The following GLIS3 variants were observed in gnomAD, a reference collection of about 807,000 sequenced individuals.
GLIS3 encodes the protein GLIS family zinc finger 3, also known as zinc finger protein GLIS3.
Under a neutral mutation model 78.6 loss-of-function variants are expected in GLIS3, and 53 were observed. The ratio of observed to expected loss-of-function variants is 0.67; its 90% CI spans 0.54 to 0.85. The LOEUF (loss-of-function observed/expected upper bound fraction) is 0.85, where lower values mean the gene tolerates loss of function less well. Among genes scored for constraint, GLIS3 ranks in the 40% least tolerant of loss-of-function variants. GLIS3 has a pLI of 0.00. For missense variants in GLIS3, 1,703 were observed against 1,231.1 expected (o/e 1.38, Z -5.74); for synonymous variants, 684 against 509.9 (o/e 1.34, Z -4.60).
chr9:4,438,516 C>G, the GLIS3 span, among the ~76,000 whole-genome samples: 214 of 152,292 alleles, frequency 1.4e-3, 5 homozygotes, highest in East Asian at 0.039. Flanking sequence ...CACCTGCACT[C>G]TCAACCCACA....
In GLIS3 at chr9:4,286,017, G is replaced by C. The variant is rs12350097; in HGVS notation, c.388+21C>G. ...AAAAAATCGTTTCCATTTTTAAAAG[G>C]TTCCAGAAAGACAATCCTACCTTTC... On this transcript the variant is annotated intron_variant, in intron 2 of 10. Coordinates refer to ENST00000381971, the MANE Select transcript of GLIS3 (RefSeq NM_001042413.2). 14 of 1,613,860 alleles carry C rather than the reference G, an allele frequency of 8.7e-6. No individual in the cohort carries two copies. In the East Asian group the frequency reaches 8.9e-5, roughly 10 times the overall value.
chr9:4,395,377 T>TCAC, the GLIS3 span, among the ~76,000 whole-genome samples: 1 of 152,206 alleles, frequency 6.6e-6, no homozygotes, highest in South Asian at 2.1e-4. Context: ...TCTCATTTAT[T>TCAC]ACAGTGTTTT....
intron 4 of GLIS3, among the ~76,000 whole-genome samples, chr9:4,010,604 G>C (rs1463754594): frequency 6.6e-6 from 1 of 152,184 alleles, no homozygotes; most frequent in Admixed American, 6.5e-5. Context: ...ATTTGCCTCA[G>C]CTTCCAGACT....
chr9:4,187,550 G>A (rs1224234960), intron 2 of GLIS3, among the ~76,000 whole-genome samples: 1 of 152,188 alleles, frequency 6.6e-6, no homozygotes, highest in Admixed American at 6.5e-5. Context: ...TTGGTAGCTT[G>A]ATGGGGATGG....
At chr9:3,991,679 G>T (rs1384787121) in intron 4 of GLIS3, among the ~76,000 whole-genome samples, 2 of 131,528 alleles carry the variant, frequency 1.5e-5, no homozygotes, top group Non-Finnish European at 3.0e-5. Flanking sequence ...CATTAAGTAG[G>T]CTGATTTTTT....
intron 1 of GLIS3, among the ~76,000 whole-genome samples, chr9:4,295,701 T>A (rs192922480): frequency 8.2e-4 from 125 of 152,364 alleles, no homozygotes; most frequent in Non-Finnish European, 1.4e-3. Flanking sequence ...AGACTAGTTA[T>A]GTGGGTGTGT....
intron 4 of GLIS3, among the ~76,000 whole-genome samples, chr9:3,957,437 C>CA (rs1563890709): frequency 6.6e-6 from 1 of 152,168 alleles, no homozygotes; most frequent in African/African-American, 2.4e-5. Flanking sequence ...GCAGGAGGAA[C>CA]AAAGACTCAA....
chr9:4,164,663 G>A (rs1983752), intron 2 of GLIS3, among the ~76,000 whole-genome samples: 151,123 of 152,322 alleles, frequency 0.99, 74,979 homozygotes, highest in East Asian at 1. Flanking sequence ...CTTAGAGGGC[G>A]TTATGTATGA....
chr9:4,059,366 G>A (rs1401361545), intron 4 of GLIS3, among the ~76,000 whole-genome samples: 1 of 152,164 alleles, frequency 6.6e-6, no homozygotes, highest in African/African-American at 2.4e-5. Context: ...GGAGATCTCT[G>A]CACTGCTGCT....
At chr9:4,005,652 A>G (rs563234480) in intron 4 of GLIS3, among the ~76,000 whole-genome samples, 1 of 152,356 alleles carries the variant, frequency 6.6e-6, no homozygotes, top group Admixed American at 6.5e-5. Context: ...GCCAGCCGCT[A>G]TTAAGTATTA....
chr9:4,284,785 G>T (rs942081005), intron 2 of GLIS3, among the ~76,000 whole-genome samples: 31 of 151,878 alleles, frequency 2.0e-4, no homozygotes, highest in African/African-American at 7.0e-4. Flanking sequence ...AGGCGTTGTG[G>T]CACGCACCTG....
chr9:4,405,550 C>T, the GLIS3 span, among the ~76,000 whole-genome samples: 60 of 152,086 alleles, frequency 3.9e-4, no homozygotes, highest in Middle Eastern at 3.4e-3. Flanking sequence ...CCTGAACAGA[C>T]CAATAACAAG....
intron 2 of GLIS3, among the ~76,000 whole-genome samples, chr9:4,279,002 C>G (rs1469236448): frequency 6.6e-6 from 1 of 152,072 alleles, no homozygotes; most frequent in Non-Finnish European, 1.5e-5. Flanking sequence ...CACCTAAACT[C>G]TTTAAAAATA....
chr9:4,328,975 G>C (rs73386272), intron 2 of GLIS3, among the ~76,000 whole-genome samples: 1 of 152,196 alleles, frequency 6.6e-6, no homozygotes, highest in Admixed American at 6.5e-5. Flanking sequence ...CAGCTCTTGA[G>C]GTGAGTGTAG....
intron 2 of GLIS3, among the ~76,000 whole-genome samples, chr9:4,232,087 AACAG>A (rs1177223094): frequency 1.3e-5 from 2 of 152,182 alleles, no homozygotes; most frequent in African/African-American, 2.4e-5. Flanking sequence ...TTAAAAATGA[AACAG>A]ACAGGACTGG....
intron 7 of GLIS3, among the ~76,000 whole-genome samples, chr9:3,894,223 A>G (rs1289806456): frequency 1.3e-5 from 2 of 152,206 alleles, no homozygotes; most frequent in South Asian, 2.1e-4. Context: ...ATGCATTTTT[A>G]TAATGCTCTA....
At chr9:4,385,807 A>AAG in the GLIS3 span, among the ~76,000 whole-genome samples, 2 of 76,294 alleles carry the variant, frequency 2.6e-5, no homozygotes, top group African/African-American at 1.2e-4. Context: ...GAAAGAAAGA[A>AAG]AGAAAAGAAA....
At chr9:4,089,654 A>C (rs1829324626) in intron 4 of GLIS3, among the ~76,000 whole-genome samples, 1 of 151,918 alleles carries the variant, frequency 6.6e-6, no homozygotes, top group Non-Finnish European at 1.5e-5. Context: ...CCATCTCTAC[A>C]ATTTTTGTTT....
the GLIS3 span, among the ~76,000 whole-genome samples, chr9:4,358,117 T>C: frequency 1.9e-3 from 295 of 152,304 alleles, no homozygotes; most frequent in African/African-American, 6.8e-3. Flanking sequence ...TGTATGTATA[T>C]GTGTGTATGT....
Sources: gnomAD v4.1 joint callset for allele counts (sites outside exome capture counted in the v4.1 genomes callset) on GRCh38, gnomAD v4.1.1 for gene constraint, MANE v1.5 for transcripts, NCBI Gene and HGNC (gene_info 2026-07-23, HGNC 2026-07-21) for gene names.